TBC1D5: variants seen among roughly 807,000 people sequenced by gnomAD.
TBC1D5 encodes TBC1 domain family, member 5.
In TBC1D5, 75 loss-of-function variants were observed where a neutral mutation model predicts 100.3. That is an observed-to-expected ratio of 0.75 (90% CI 0.62 to 0.91). The LOEUF (loss-of-function observed/expected upper bound fraction) is 0.91. Ranked by LOEUF, TBC1D5 falls within the 40% of genes least tolerant of loss-of-function variation. The probability of loss-of-function intolerance (pLI) is 0.00; values close to 1 mark genes in which losing one functional copy is unlikely to be tolerated. For synonymous variants in TBC1D5, 323 were observed against 325.6 expected (o/e 0.99, Z 0.09); for missense variants, 910 against 942.4 (o/e 0.97, Z 0.45).
intron 14 of TBC1D5, among the ~76,000 whole-genome samples, chr3:17,296,703 T>C (rs2150268056): frequency 6.6e-6 from 1 of 152,366 alleles, no homozygotes. Flanking sequence ...CTCAGTTGGC[T>C]TTGTGACAAC....
At chr3:17,646,787 TA>T (rs1052786243) in intron 1 of TBC1D5, among the ~76,000 whole-genome samples, 5 of 152,266 alleles carry the variant, frequency 3.3e-5, no homozygotes, top group Admixed American at 2.6e-4. Context: ...GATTTTTTTT[TA>T]AATTTTAGAT....
At chr3:17,310,509 G>A (rs550937279) in intron 13 of TBC1D5, among the ~76,000 whole-genome samples, 1 of 152,180 alleles carries the variant, frequency 6.6e-6, no homozygotes, top group South Asian at 2.1e-4. Context: ...CAGAGAGAGA[G>A]AGAGAGATCC....
intron 13 of TBC1D5, 107 bp from the exon 14 acceptor site, chr3:17,308,241 ATAT>A: frequency 9.5e-7 from 1 of 1,048,856 alleles, no homozygotes. Context: ...CAGTGAGCAA[ATAT>A]TATATATCAA....
intron 1 of TBC1D5, among the ~76,000 whole-genome samples, chr3:17,655,003 G>A (rs2065920576): frequency 2.0e-5 from 3 of 151,420 alleles, no homozygotes; most frequent in African/African-American, 7.3e-5. Context: ...GATCAGTGGT[G>A]ATATCCCCTT....
intron 4 of TBC1D5, among the ~76,000 whole-genome samples, chr3:17,413,982 G>A (rs2094001842): frequency 6.6e-6 from 1 of 152,088 alleles, no homozygotes; most frequent in Non-Finnish European, 1.5e-5. Flanking sequence ...TCTCACCTTG[G>A]GGAAAGCCAA....
At chr3:17,703,912 T>G (rs1213715007) in intron 1 of TBC1D5, among the ~76,000 whole-genome samples, 59 of 38,538 alleles carry the variant, frequency 1.5e-3, no homozygotes, top group African/African-American at 3.1e-3. Flanking sequence ...TGTTTTTTTT[T>G]TGTTTTTTTT....
intron 4 of TBC1D5, among the ~76,000 whole-genome samples, chr3:17,411,313 T>C (rs2093918521): frequency 6.6e-6 from 1 of 152,144 alleles, no homozygotes; most frequent in Admixed American, 6.6e-5. Flanking sequence ...AACTTTTAAA[T>C]GTACTAGAAA....
chr3:17,518,259 C>T (rs1335016810), intron 2 of TBC1D5, among the ~76,000 whole-genome samples: 1 of 152,182 alleles, frequency 6.6e-6, no homozygotes, highest in Non-Finnish European at 1.5e-5. Context: ...TGTTTTCCCA[C>T]TCGAATGTTG....
intron 3 of TBC1D5, among the ~76,000 whole-genome samples, chr3:17,492,147 T>G (rs1019307044): frequency 6.6e-6 from 1 of 152,182 alleles, no homozygotes; most frequent in African/African-American, 2.4e-5. Flanking sequence ...TCATATCCCC[T>G]TTATCATTTT....
In TBC1D5 at chr3:17,301,026, AC is replaced by A. The variant is rs1402283753; in HGVS notation, c.1138+6965del. On this transcript the variant is annotated intron_variant, in intron 14 of 21. Transcript: ENST00000253692. The stretch of plus-strand genomic sequence containing the variant: ...GTGGAATTGCAGTGAGCCAGATGGC[AC>A]CACTGCACTCAGTCTGTGTAACAAG... Among the ~76,000 whole-genome samples, 18 of 151,330 alleles carry A rather than the reference AC, an allele frequency of 1.2e-4. No homozygotes were observed. In the East Asian group the frequency reaches 3.5e-3, roughly 29 times the overall value.
chr3:17,613,014 T>A (rs2061811128), intron 2 of TBC1D5, among the ~76,000 whole-genome samples: 1 of 152,022 alleles, frequency 6.6e-6, no homozygotes, highest in South Asian at 2.1e-4. Context: ...TACATATTTC[T>A]CCTAATGATA....
At chr3:17,715,682 G>A (rs1309207744) in intron 1 of TBC1D5, among the ~76,000 whole-genome samples, 1 of 152,066 alleles carries the variant, frequency 6.6e-6, no homozygotes, top group Non-Finnish European at 1.5e-5. Flanking sequence ...CACACCTGTA[G>A]TCCCAGCTAC....
intron 1 of TBC1D5, among the ~76,000 whole-genome samples, chr3:17,637,652 T>C (rs563805869): frequency 4.5e-4 from 68 of 152,014 alleles, no homozygotes; most frequent in African/African-American, 1.5e-3. Context: ...ACATAACAAG[T>C]TGCACAAAGA....
chr3:17,161,461 C>G (rs1408882750), intron 21 of TBC1D5, among the ~76,000 whole-genome samples: 1 of 152,192 alleles, frequency 6.6e-6, no homozygotes, highest in Non-Finnish European at 1.5e-5. Context: ...CTTGTGAGCC[C>G]CTCTGAAGCC....
intron 1 of TBC1D5, among the ~76,000 whole-genome samples, chr3:17,737,459 T>G (rs1294452732): frequency 1.3e-5 from 2 of 152,190 alleles, no homozygotes; most frequent in African/African-American, 4.8e-5. Context: ...CTTAAGAAAT[T>G]CTCAACAGTG....
chr3:17,475,946 A>G (rs1226400715), intron 3 of TBC1D5, among the ~76,000 whole-genome samples: 1 of 152,074 alleles, frequency 6.6e-6, no homozygotes, highest in Non-Finnish European at 1.5e-5. Flanking sequence ...GCCAATCTAG[A>G]GGTTATCATA....
chr3:17,631,704 A>T (rs2063520719), intron 1 of TBC1D5, among the ~76,000 whole-genome samples: 2 of 152,208 alleles, frequency 1.3e-5, no homozygotes, highest in South Asian at 4.1e-4. Context: ...AGTTATGCTA[A>T]TTCTACTCTG....
At chr3:17,461,209 T>C (rs74680648) in intron 3 of TBC1D5, among the ~76,000 whole-genome samples, 153 of 152,348 alleles carry the variant, frequency 1.0e-3, no homozygotes, top group African/African-American at 3.5e-3. Flanking sequence ...AATGCAATAA[T>C]GCAAGCACAG....
chr3:17,567,050 C>A (rs964179075), intron 2 of TBC1D5, among the ~76,000 whole-genome samples: 1 of 151,696 alleles, frequency 6.6e-6, no homozygotes, highest in Non-Finnish European at 1.5e-5. Context: ...TACATTTTTA[C>A]CAATAAATGA....
Sources: gnomAD v4.1 joint callset for allele counts (sites outside exome capture counted in the v4.1 genomes callset) on GRCh38, gnomAD v4.1.1 for gene constraint, MANE v1.5 for transcripts, NCBI Gene and HGNC (gene_info 2026-07-23, HGNC 2026-07-21) for gene names.